Variants in SUMF1 observed in about 807,000 individuals in gnomAD.
SUMF1 encodes the protein formylglycine-generating enzyme.
Under a neutral mutation model 47.6 loss-of-function variants are expected in SUMF1, and 48 were observed. The ratio of observed to expected loss-of-function variants is 1.01; its 90% confidence interval spans 0.80 to 1.28. The LOEUF (loss-of-function observed/expected upper bound fraction) is 1.28. SUMF1 is among the 50% of genes most tolerant of loss of function. The pLI, the probability that SUMF1 is intolerant of heterozygous loss-of-function variation, is 0.00. For synonymous variants in SUMF1, 230 were observed against 192.1 expected (o/e 1.20, Z -1.63); for missense variants, 571 against 485.4 (o/e 1.18, Z -1.66).
chr3:4,243,897 C>G (rs189887160), intron 8 of SUMF1, among the ~76,000 whole-genome samples: 2 of 152,226 alleles, frequency 1.3e-5, no homozygotes, highest in East Asian at 1.9e-4. Context: ...GAATCTAAGT[C>G]TCTTTGTAGG....
chr3:4,064,602 C>G (rs1406488806), intron 9 of SUMF1, among the ~76,000 whole-genome samples: 1 of 152,080 alleles, frequency 6.6e-6, no homozygotes, highest in African/African-American at 2.4e-5. Context: ...GGACTCACCC[C>G]AAATACTTTC....
At chr3:4,217,434 A>G (rs1256676254) in intron 8 of SUMF1, among the ~76,000 whole-genome samples, 1 of 141,686 alleles carries the variant, frequency 7.1e-6, no homozygotes, top group African/African-American at 2.7e-5. Flanking sequence ...TGATGGGTGC[A>G]GCAAACCACC....
chr3:4,124,147 C>T (rs1010065668), intron 8 of SUMF1, among the ~76,000 whole-genome samples: 40 of 152,206 alleles, frequency 2.6e-4, no homozygotes, highest in African/African-American at 9.2e-4. Context: ...AAATAAAAAT[C>T]TCATTTATAA....
At chr3:4,108,028 A>G (rs1693197988) in intron 8 of SUMF1, among the ~76,000 whole-genome samples, 1 of 152,154 alleles carries the variant, frequency 6.6e-6, no homozygotes, top group Admixed American at 6.5e-5. Flanking sequence ...CAAATGCCCA[A>G]CAATAGGGGA....
At chr3:4,202,740 T>A (rs193149857) in intron 8 of SUMF1, among the ~76,000 whole-genome samples, 4 of 151,786 alleles carry the variant, frequency 2.6e-5, no homozygotes, top group Admixed American at 2.6e-4. Context: ...GTCCATGAAC[T>A]TTTACTGTAA....
At chr3:4,356,064 T>G (rs1559240486) in intron 8 of SUMF1, among the ~76,000 whole-genome samples, 1 of 152,172 alleles carries the variant, frequency 6.6e-6, no homozygotes, top group African/African-American at 2.4e-5. Context: ...GCTCTAATGG[T>G]CTAAACACAA....
intron 8 of SUMF1, among the ~76,000 whole-genome samples, chr3:4,234,591 A>C (rs1696369398): frequency 6.6e-6 from 1 of 152,170 alleles, no homozygotes; most frequent in African/African-American, 2.4e-5. Flanking sequence ...TTGTGCAAGC[A>C]AGAATTACTG....
In SUMF1 at chr3:4,243,873, C is replaced by T. The variant is rs144090307; in HGVS notation, c.1014+132457G>A. Among the ~76,000 whole-genome samples the T allele has an allele frequency of 8.8e-4, 134 of 152,116 alleles. 1 individual carries two copies. Among genetic ancestry groups the T allele is most frequent in the Non-Finnish European group, 1.4e-3 (93 of 67,958 alleles). On this transcript the variant is annotated intron_variant and NMD_transcript_variant, in intron 8 of 12. Transcript: ENST00000448413. The stretch of plus-strand genomic sequence containing the variant: ...ATTGACAGTGGAGTGTTACAGTCTC[C>T]GGTTATTATGTAGGAATCTAAGTCT...
At chr3:4,177,507 A>T (rs1694993002) in intron 8 of SUMF1, among the ~76,000 whole-genome samples, 1 of 152,226 alleles carries the variant, frequency 6.6e-6, no homozygotes, top group South Asian at 2.1e-4. Context: ...CAAAGACATA[A>T]CGTACCAGAA....
intron 8 of SUMF1, among the ~76,000 whole-genome samples, chr3:4,176,276 G>A (rs576531141): frequency 4.6e-5 from 7 of 152,184 alleles, no homozygotes; most frequent in African/African-American, 1.7e-4. Flanking sequence ...AAGTATTAAG[G>A]GCAGCCAGAG....
intron 8 of SUMF1, among the ~76,000 whole-genome samples, chr3:4,147,726 C>A (rs1694228242): frequency 6.6e-6 from 1 of 152,126 alleles, no homozygotes; most frequent in South Asian, 2.1e-4. Context: ...AGTCATGATA[C>A]AGGATGCAGA....
At chr3:4,428,908 A>G (rs746973758) in intron 3 of SUMF1, among the ~76,000 whole-genome samples, 3 of 152,162 alleles carry the variant, frequency 2.0e-5, no homozygotes, top group Non-Finnish European at 2.9e-5. Context: ...TTTATATTGA[A>G]TGTTTTCATT....
At chr3:4,187,756 AT>A (rs958096243) in intron 8 of SUMF1, among the ~76,000 whole-genome samples, 1 of 152,158 alleles carries the variant, frequency 6.6e-6, no homozygotes, top group Admixed American at 6.5e-5. Context: ...ATTGAAACCT[AT>A]TGATTAGTAA....
intron 7 of SUMF1, among the ~76,000 whole-genome samples, chr3:4,403,488 C>G (rs1701279370): frequency 6.6e-6 from 1 of 152,168 alleles, no homozygotes; most frequent in South Asian, 2.1e-4. Context: ...GAATTGCAAA[C>G]CCAGTTATCC....
intron 8 of SUMF1, among the ~76,000 whole-genome samples, chr3:4,084,180 G>C (rs79952263): frequency 1.3e-5 from 2 of 151,998 alleles, no homozygotes; most frequent in African/African-American, 4.8e-5. Context: ...CCATGAGCCT[G>C]GGCAAATTCA....
intron 7 of SUMF1, among the ~76,000 whole-genome samples, chr3:4,387,155 T>A (rs180979114): frequency 6.6e-6 from 1 of 152,078 alleles, no homozygotes; most frequent in Non-Finnish European, 1.5e-5. Context: ...CTAAAACAAA[T>A]TGTGTAGAAT....
Position 4,182,220 on chromosome 3 carries a change from C to T in SUMF1, c.1015-113475G>A, listed in dbSNP as rs572395061. On this transcript the variant is annotated intron_variant and NMD_transcript_variant, in intron 8 of 12. Coordinates refer to the SUMF1 transcript ENST00000448413. ...GCATGGGGTAGATGGAATATGTCTA[C>T]ATTAATCCAGAGTGTCAAATGAATT... Among the ~76,000 whole-genome samples the T allele has an allele frequency of 2.4e-4, 36 of 152,024 alleles. No homozygotes were observed. In the South Asian group the frequency reaches 5.8e-3, roughly 25 times the overall value.
chr3:4,420,613 G>T (rs1701865303), intron 3 of SUMF1, among the ~76,000 whole-genome samples: 1 of 151,998 alleles, frequency 6.6e-6, no homozygotes, highest in Non-Finnish European at 1.5e-5. Flanking sequence ...AGCCAGGATG[G>T]TCTCGATCTC....
chr3:4,199,779 A>T (rs1695503289), intron 8 of SUMF1, among the ~76,000 whole-genome samples: 1 of 152,016 alleles, frequency 6.6e-6, no homozygotes, highest in Admixed American at 6.6e-5. Context: ...TTTTCTGGTG[A>T]AGTGTCTAGT....
Sources: gnomAD v4.1 joint callset for allele counts (sites outside exome capture counted in the v4.1 genomes callset) on GRCh38, gnomAD v4.1.1 for gene constraint, MANE v1.5 for transcripts, NCBI Gene and HGNC (gene_info 2026-07-23, HGNC 2026-07-21) for gene names.